CUBN: variants seen among roughly 807,000 people sequenced by gnomAD.
The protein encoded by CUBN is cubilin, also known as 460 kDa receptor.
In CUBN, 282 loss-of-function variants were observed where a neutral mutation model predicts 405.3. The observed-to-expected ratio is 0.70, with a 90% CI of 0.63 to 0.77. The LOEUF (loss-of-function observed/expected upper bound fraction) is 0.77. Ranked by LOEUF, CUBN falls within the 30% of genes least tolerant of loss-of-function variation. The pLI is 0.00. For synonymous variants in CUBN, 1,684 were observed against 1,617.0 expected (o/e 1.04, Z -0.99); for missense variants, 4,514 against 4,475.2 (o/e 1.01, Z -0.25).
chr10:17,085,512 T>G (rs1836085518), intron 16 of CUBN, 85 bp downstream of exon 16: 1 of 1,317,334 alleles, frequency 7.6e-7, no homozygotes, highest in East Asian at 2.3e-5. Context: ...AGTCATCCTC[T>G]GAATCACATT....
chr10:16,940,544 G>C (rs1056198362), intron 36 of CUBN, among the ~76,000 whole-genome samples: 1 of 152,176 alleles, frequency 6.6e-6, no homozygotes, highest in African/African-American at 2.4e-5. Context: ...GTTATAAAGT[G>C]GCGTTTAAGA....
chr10:16,975,834 T>C (rs898318139), intron 31 of CUBN, among the ~76,000 whole-genome samples: 6 of 151,908 alleles, frequency 3.9e-5, no homozygotes, highest in African/African-American at 1.5e-4. Context: ...TTTCACCATG[T>C]TGGCCAGGAT....
rs567878447 is a variant in CUBN, at chr10:16,967,732, A to C, written c.4696-13184T>G. 4.0e-5 allele frequency among the ~76,000 whole-genome samples: 6 copies of C among 151,608 alleles called. No homozygotes were observed. In the South Asian group the frequency reaches 1.3e-3, roughly 32 times the overall value. On this transcript the variant is annotated intron_variant, in intron 31 of 66. Transcript: ENST00000377833. ...GAAAGAGACAAAAAGGGAGAGGGAG[A>C]GAGAGGAACAAAGAAAGGGAAAGAT...
At chr10:16,945,510 G>A (rs1201304017) in intron 36 of CUBN, among the ~76,000 whole-genome samples, 1 of 152,168 alleles carries the variant, frequency 6.6e-6, no homozygotes, top group Non-Finnish European at 1.5e-5. Context: ...GCTCATGCCT[G>A]TAATCCCAGC....
intron 54 of CUBN, 47 bp downstream of exon 54, chr10:16,898,949 G>A (rs778643272): frequency 4.4e-6 from 6 of 1,372,902 alleles, no homozygotes; most frequent in Non-Finnish European, 6.3e-6. Flanking sequence ...AAACACTAAT[G>A]TTCACAAAAC....
rs191746010 is a variant in CUBN, at chr10:16,832,896, C to T, written c.10363-1479G>A. The stretch of plus-strand genomic sequence containing the variant: ...TGCTGAGGCTTCCTGGTACAGCTGC[C>T]AAGAAACTATGCCCACAGCCTTCCC... On this transcript the variant is annotated intron_variant, in intron 64 of 66. Transcript: ENST00000377833. Among the ~76,000 whole-genome samples the T allele has an allele frequency of 1.4e-4, 22 of 152,268 alleles. No individual in the cohort carries two copies. The East Asian group carries it at 3.7e-3, about 25-fold the overall frequency.
intron 57 of CUBN, among the ~76,000 whole-genome samples, chr10:16,875,850 T>G (rs1337156476): frequency 6.6e-6 from 1 of 152,192 alleles, no homozygotes; most frequent in East Asian, 1.9e-4. Context: ...GGAGTTTACC[T>G]CTCCAAAGCA....
chr10:17,057,436 T>TC (rs747317156), intron 22 of CUBN, among the ~76,000 whole-genome samples: 57 of 152,254 alleles, frequency 3.7e-4, no homozygotes, highest in Non-Finnish European at 6.6e-4. Context: ...TTTTAGCCAG[T>TC]CTTCCATCTG....
chr10:17,124,561 T>C (rs1018745963), intron 4 of CUBN, among the ~76,000 whole-genome samples: 16 of 152,030 alleles, frequency 1.1e-4, no homozygotes, highest in African/African-American at 3.6e-4. Flanking sequence ...CCTAAGTAGC[T>C]GGGACTACAG....
At chr10:16,878,641 A>C (rs1199519204) in intron 56 of CUBN, among the ~76,000 whole-genome samples, 1 of 152,136 alleles carries the variant, frequency 6.6e-6, no homozygotes, top group African/African-American at 2.4e-5. Flanking sequence ...TTGGCATCTG[A>C]CATTCTTCCC....
intron 31 of CUBN, among the ~76,000 whole-genome samples, chr10:16,958,940 G>T (rs1282250583): frequency 6.6e-6 from 1 of 152,154 alleles, no homozygotes; most frequent in Non-Finnish European, 1.5e-5. Flanking sequence ...AGTTACAGCC[G>T]GGTCTCTCTG....
At chr10:16,910,164 T>C (rs1376499968) in intron 48 of CUBN, among the ~76,000 whole-genome samples, 2 of 151,868 alleles carry the variant, frequency 1.3e-5, no homozygotes, top group Non-Finnish European at 2.9e-5. Flanking sequence ...CTCCTTCTTA[T>C]TGTTCTTCTT....
intron 26 of CUBN, 37 bp downstream of exon 26, chr10:17,043,790 C>T (rs879146239): frequency 6.3e-7 from 1 of 1,584,060 alleles, no homozygotes; most frequent in Non-Finnish European, 8.6e-7. Flanking sequence ...CTTACTCTGC[C>T]AGTATACACA....
chr10:16,888,437 A>G lies in CUBN; in HGVS notation c.8885T>C (p.Phe2962Ser), dbSNP rs1282933110. 3.7e-6 allele frequency: 6 copies of G among 1,613,430 alleles called. No homozygotes were observed. The highest frequency in any genetic ancestry group is 3.3e-5 in the South Asian group (3 of 91,074). Reference sequence around the variant, plus strand: ...CTTACCTTCTAAGTGGAAGGACACAAAAGTCAAGAGGACCACTGACAGAGG... The same window carrying G: ...CTTACCTTCTAAGTGGAAGGACACAGAAGTCAAGAGGACCACTGACAGAGG... ...ANPLSVVLLTFVSFHLEARSA... is the reference protein window; with the variant it reads ...ANPLSVVLLTSVSFHLEARSA... Residue 2962 changes from phenylalanine to serine, a missense_variant, in exon 56 of 67, where the codon TTT becomes TCT. Phe to Ser is a radical substitution (Grantham distance 155). Transcript: ENST00000377833.
intron 27 of CUBN, among the ~76,000 whole-genome samples, chr10:17,032,658 T>C (rs1834810737): frequency 2.0e-5 from 3 of 152,152 alleles, no homozygotes; most frequent in African/African-American, 7.2e-5. Context: ...TGCGAATAAC[T>C]CTCTAATGCC....
intron 26 of CUBN, among the ~76,000 whole-genome samples, chr10:17,043,385 TAG>T (rs1248088126): frequency 6.6e-6 from 1 of 152,140 alleles, no homozygotes; most frequent in Non-Finnish European, 1.5e-5. Context: ...CTTTTTAAGG[TAG>T]AGACTAGTGT....
chr10:16,898,023 A>T (rs1841241682), intron 54 of CUBN, among the ~76,000 whole-genome samples: 1 of 151,196 alleles, frequency 6.6e-6, no homozygotes, highest in African/African-American at 2.4e-5. Context: ...GTTCATGGAA[A>T]AAGCCATTAA....
At chr10:17,128,035 T>A in intron 2 of CUBN, 111 bp from the exon 3 acceptor site, 1 of 725,876 alleles carries the variant, frequency 1.4e-6, no homozygotes, top group East Asian at 2.7e-5. Context: ...AGCACTAAGA[T>A]CTTGCCTATT....
chr10:16,864,657 C>CT (rs58100254), intron 59 of CUBN, among the ~76,000 whole-genome samples: 29,970 of 121,214 alleles, frequency 0.25, 3,781 homozygotes, highest in East Asian at 0.48. Context: ...TTTTTTCTTT[C>CT]TTTTTTTTTT....
Sources: allele counts gnomAD v4.1 joint callset (sites outside exome capture counted in the v4.1 genomes callset), GRCh38; gene constraint gnomAD v4.1.1; transcripts MANE v1.5; gene names NCBI Gene and HGNC (gene_info 2026-07-23, HGNC 2026-07-21).